The following APAF1 variants were observed in gnomAD, a reference collection of about 807,000 sequenced individuals.
APAF1 encodes the protein apoptotic peptidase activating factor 1.
A neutral mutation model predicts 152.4 loss-of-function variants in APAF1; 91 were observed. The observed-to-expected ratio is 0.60, with a 90% CI of 0.50 to 0.71. The LOEUF (loss-of-function observed/expected upper bound fraction) is 0.71. Ranked by LOEUF, APAF1 falls within the 30% of genes least tolerant of loss-of-function variation. The probability of loss-of-function intolerance (pLI) is 0.00; values close to 1 mark genes in which losing one functional copy is unlikely to be tolerated. For missense variants in APAF1, 1,283 were observed against 1,472.0 expected (o/e 0.87, Z 2.10); for synonymous variants, 484 against 494.1 (o/e 0.98, Z 0.27).
chr12:98,670,589 A>G (rs1322305059), intron 10 of APAF1, among the ~76,000 whole-genome samples: 1 of 151,940 alleles, frequency 6.6e-6, no homozygotes, highest in African/African-American at 2.4e-5. Flanking sequence ...TGTATTGAAG[A>G]TTTGAATTTT....
intron 10 of APAF1, among the ~76,000 whole-genome samples, chr12:98,670,590 T>G (rs2097678956): frequency 6.6e-6 from 1 of 152,048 alleles, no homozygotes; most frequent in South Asian, 2.1e-4. Flanking sequence ...GTATTGAAGA[T>G]TTGAATTTTT....
intron 22 of APAF1, among the ~76,000 whole-genome samples, chr12:98,720,590 T>C (rs1364170127): frequency 1.3e-5 from 2 of 152,208 alleles, no homozygotes; most frequent in African/African-American, 2.4e-5. Flanking sequence ...TTTTTGATCC[T>C]TTACCTTGAA....
At chr12:98,660,741 A>C (rs1174637520) in intron 5 of APAF1, among the ~76,000 whole-genome samples, 1 of 152,214 alleles carries the variant, frequency 6.6e-6, no homozygotes, top group Non-Finnish European at 1.5e-5. Context: ...ATTCCTTGGG[A>C]ATGTTATAGT....
At chr12:98,723,058 C>T in intron 22 of APAF1, 135 bp from the exon 23 acceptor site, 2 of 899,070 alleles carry the variant, frequency 2.2e-6, no homozygotes, top group Middle Eastern at 2.5e-4. Flanking sequence ...ACAGTCTTCT[C>T]TCTTATTCCT....
intron 4 of APAF1, among the ~76,000 whole-genome samples, chr12:98,653,688 A>ATAT (rs58969166): frequency 1.6e-5 from 1 of 63,928 alleles, no homozygotes; most frequent in Non-Finnish European, 3.1e-5. Flanking sequence ...AAAAAAAAAA[A>ATAT]AAAATATATA....
intron 26 of APAF1, 142 bp from the exon 27 acceptor site, chr12:98,732,278 C>A (rs2097763378): frequency 4.1e-6 from 3 of 737,498 alleles, no homozygotes; most frequent in Non-Finnish European, 4.7e-6. Flanking sequence ...ATAGTATATT[C>A]AGCATTAAAT....
intron 5 of APAF1, among the ~76,000 whole-genome samples, chr12:98,660,460 T>G (rs1413163950): frequency 1.3e-5 from 2 of 152,230 alleles, no homozygotes; most frequent in Non-Finnish European, 2.9e-5. Context: ...GGAGTGAGTT[T>G]GTTTTGTTTG....
At chr12:98,656,213 G>C (rs1049619673) in intron 4 of APAF1, among the ~76,000 whole-genome samples, 1 of 152,184 alleles carries the variant, frequency 6.6e-6, no homozygotes, top group Non-Finnish European at 1.5e-5. Context: ...ACCGTGCCAG[G>C]CTCTAAATTC....
At chr12:98,708,496 T>G in intron 19 of APAF1, 89 bp from the exon 20 acceptor site, 1 of 1,354,120 alleles carries the variant, frequency 7.4e-7, no homozygotes, top group Non-Finnish European at 1.0e-6. Context: ...ATCATAGGTA[T>G]TTTATGTGAA....
chr12:98,649,006 C>G (rs2097645747), intron 3 of APAF1, 191 bp downstream of exon 3: 1 of 752,522 alleles, frequency 1.3e-6, no homozygotes, highest in Non-Finnish European at 2.2e-6. Context: ...TTCTTCTTGC[C>G]CAGTGAACTG....
chr12:98,665,413 A>T, intron 7 of APAF1, 140 bp from the exon 8 acceptor site: 1 of 699,500 alleles, frequency 1.4e-6, no homozygotes, highest in Non-Finnish European at 2.5e-6. Context: ...TCTAGAAGTG[A>T]AGTCAAGAGT....
intron 17 of APAF1, among the ~76,000 whole-genome samples, chr12:98,701,752 C>T (rs2097715597): frequency 6.6e-6 from 1 of 152,184 alleles, no homozygotes; most frequent in African/African-American, 2.4e-5. Context: ...CAAAGGTGTT[C>T]CTTAACTGCA....
In APAF1 at chr12:98,703,890, T is replaced by C. The variant is rs533332408; in HGVS notation, c.2595+391T>C. Reference sequence around the variant, plus strand: ...CTTAAAAAAGGTGGTGAGAAATGAGTCCAGTTCAGATTTCTTAGATCATTG... The same window carrying C: ...CTTAAAAAAGGTGGTGAGAAATGAGCCCAGTTCAGATTTCTTAGATCATTG... On this transcript the variant is annotated intron_variant, in intron 18 of 26. Coordinates refer to ENST00000551964, the MANE Select transcript of APAF1 (RefSeq NM_181861.2). 1.8e-3 allele frequency among the ~76,000 whole-genome samples: 278 copies of C among 152,244 alleles called. 1 individual carries two copies. The highest frequency in any genetic ancestry group is 6.4e-3 in the African/African-American group (267 of 41,536).
intron 1 of APAF1, among the ~76,000 whole-genome samples, chr12:98,646,253 G>T (rs893204588): frequency 1.3e-5 from 2 of 152,232 alleles, no homozygotes; most frequent in Admixed American, 6.5e-5. Context: ...TTTTCACATC[G>T]AATTTCATTA....
At chr12:98,683,442 G>A (rs1218913754) in intron 15 of APAF1, among the ~76,000 whole-genome samples, 168 bp downstream of exon 15, 1 of 151,770 alleles carries the variant, frequency 6.6e-6, no homozygotes, top group East Asian at 1.9e-4. Context: ...ATATTTTATT[G>A]GCTCATGTAA....
chr12:98,681,819 A>T (rs573431988), intron 14 of APAF1, among the ~76,000 whole-genome samples: 27 of 152,216 alleles, frequency 1.8e-4, no homozygotes, highest in Non-Finnish European at 3.8e-4. Flanking sequence ...TCTAAGCCAG[A>T]GGTAGAAATA....
At chr12:98,726,273 G>T (rs1182014746) in intron 25 of APAF1, among the ~76,000 whole-genome samples, 1 of 152,200 alleles carries the variant, frequency 6.6e-6, no homozygotes, top group Non-Finnish European at 1.5e-5. Context: ...CATATGGAAA[G>T]AATTGCATGC....
At chr12:98,712,542 G>T (rs2097729141) in intron 21 of APAF1, 107 bp downstream of exon 21, 1 of 741,834 alleles carries the variant, frequency 1.3e-6, no homozygotes, top group Non-Finnish European at 2.3e-6. Context: ...TTTTGAAATG[G>T]GGTCTTGCTG....
intron 4 of APAF1, among the ~76,000 whole-genome samples, chr12:98,651,866 G>C (rs1253019998): frequency 1.3e-5 from 2 of 152,130 alleles, no homozygotes; most frequent in African/African-American, 4.8e-5. Flanking sequence ...CCAGGCTGGA[G>C]TGCAGTGGCA....
Sources: gnomAD v4.1 joint callset for allele counts (sites outside exome capture counted in the v4.1 genomes callset) on GRCh38, gnomAD v4.1.1 for gene constraint, MANE v1.5 for transcripts, NCBI Gene and HGNC (gene_info 2026-07-23, HGNC 2026-07-21) for gene names.